Variants in KCNMA1 observed in about 807,000 individuals in gnomAD.
The protein encoded by KCNMA1 is potassium calcium-activated channel subfamily M alpha 1, also known as Calcium-activated potassium channel subunit alpha-1.
KCNMA1 carries 29 observed loss-of-function variants against 140.0 expected under a neutral mutation model. The ratio of observed to expected loss-of-function variants is 0.21; its 90% confidence interval spans 0.15 to 0.28. The LOEUF is 0.28. Among genes scored for constraint, KCNMA1 ranks in the 10% least tolerant of loss-of-function variants. KCNMA1 has a pLI of 1.00. For synonymous variants in KCNMA1, 612 were observed against 611.9 expected, an observed-to-expected ratio of 1.00 and a Z score of 0.00; for missense variants, 880 against 1,602.2, an observed-to-expected ratio of 0.55 and a Z score of 7.70.
chr10:77,591,221 T>C (rs984006446), intron 1 of KCNMA1, among the ~76,000 whole-genome samples: 14 of 152,118 alleles, frequency 9.2e-5, no homozygotes, highest in South Asian at 4.2e-4. Context: ...ACCAAGAGGA[T>C]TGGACAAGGC....
chr10:77,397,466 T>G (rs758676814), intron 2 of KCNMA1, among the ~76,000 whole-genome samples: 6 of 152,200 alleles, frequency 3.9e-5, no homozygotes, highest in Non-Finnish European at 5.9e-5. Context: ...CTCAAACATT[T>G]ATCTTTGTGT....
intron 1 of KCNMA1, among the ~76,000 whole-genome samples, chr10:77,597,715 C>T (rs985260776): frequency 1.3e-5 from 2 of 152,138 alleles, no homozygotes; most frequent in African/African-American, 4.8e-5. Context: ...GTCCCATTGA[C>T]AGGACACATT....
intron 25 of KCNMA1, among the ~76,000 whole-genome samples, chr10:76,897,046 AC>A (rs958351492): frequency 1.3e-5 from 2 of 151,302 alleles, no homozygotes; most frequent in African/African-American, 4.9e-5. Context: ...ACACACACAC[AC>A]AATTAGTGAT....
chr10:77,439,154 G>GAAGA (rs1566858999), intron 1 of KCNMA1, among the ~76,000 whole-genome samples: 8 of 126,158 alleles, frequency 6.3e-5, no homozygotes, highest in African/African-American at 2.3e-4. Context: ...AGAGAAAAGA[G>GAAGA]AAGAGAAGAA....
At chr10:77,332,869 G>A (rs2087017596) in intron 2 of KCNMA1, among the ~76,000 whole-genome samples, 3 of 152,216 alleles carry the variant, frequency 2.0e-5, no homozygotes, top group Admixed American at 1.3e-4. Context: ...TTATTTAGCA[G>A]TATCTATACT....
intron 1 of KCNMA1, among the ~76,000 whole-genome samples, chr10:77,627,576 T>C (rs1328347234): frequency 1.3e-5 from 2 of 152,080 alleles, no homozygotes; most frequent in African/African-American, 4.8e-5. Context: ...GTGGCCTTCA[T>C]GGAGGAAACA....
intron 23 of KCNMA1, among the ~76,000 whole-genome samples, chr10:76,928,481 C>T (rs2058399954): frequency 6.6e-6 from 1 of 152,074 alleles, no homozygotes; most frequent in Non-Finnish European, 1.5e-5. Flanking sequence ...GTATCTTATT[C>T]TTTAAATGGA....
intron 1 of KCNMA1, among the ~76,000 whole-genome samples, chr10:77,530,715 TG>T (rs2057390954): frequency 1.3e-5 from 2 of 152,158 alleles, no homozygotes; most frequent in Non-Finnish European, 2.9e-5. Context: ...AGACCTGTAG[TG>T]TAGGTCTCAG....
intron 2 of KCNMA1, among the ~76,000 whole-genome samples, chr10:77,336,262 A>G (rs2088924553): frequency 6.6e-6 from 1 of 152,160 alleles, no homozygotes; most frequent in Admixed American, 6.5e-5. Context: ...CAGAAAATTA[A>G]CCATTACCTA....
chr10:77,427,716 C>T (rs2395481), intron 1 of KCNMA1, among the ~76,000 whole-genome samples: 1,812 of 61,344 alleles, frequency 0.03, 18 homozygotes, highest in South Asian at 0.038. Flanking sequence ...AGCATCCATC[C>T]ATTCATTTAT....
At chr10:77,519,495 AT>A (rs5786291) in intron 1 of KCNMA1, among the ~76,000 whole-genome samples, 91,449 of 151,266 alleles carry the variant, frequency 0.6, 28,353 homozygotes, top group East Asian at 0.8. Flanking sequence ...AAGATAATTG[AT>A]TTTTTTTTTG....
intron 1 of KCNMA1, among the ~76,000 whole-genome samples, chr10:77,416,456 C>A (rs545873978): frequency 9.8e-5 from 15 of 152,352 alleles, no homozygotes; most frequent in African/African-American, 3.1e-4. Context: ...ACAAGTGTTA[C>A]CGTGGCCCCA....
chr10:77,595,472 G>A (rs920278843), intron 1 of KCNMA1, among the ~76,000 whole-genome samples: 7 of 151,796 alleles, frequency 4.6e-5, no homozygotes, highest in East Asian at 3.9e-4. Flanking sequence ...CATGGACTTC[G>A]GGGCCCCATA....
chr10:77,463,096 A>G (rs943543467), intron 1 of KCNMA1, among the ~76,000 whole-genome samples: 2 of 152,156 alleles, frequency 1.3e-5, no homozygotes, highest in Non-Finnish European at 2.9e-5. Flanking sequence ...TTCTGGCTGG[A>G]CTTTACAAGT....
chr10:77,396,266 T>C (rs1333083046), intron 2 of KCNMA1, among the ~76,000 whole-genome samples: 1 of 152,198 alleles, frequency 6.6e-6, no homozygotes, highest in African/African-American at 2.4e-5. Flanking sequence ...GTAAGAATTT[T>C]ACATAGATTT....
At chr10:77,222,979 C>G (rs1411371406) in intron 3 of KCNMA1, among the ~76,000 whole-genome samples, 2 of 152,128 alleles carry the variant, frequency 1.3e-5, no homozygotes, top group African/African-American at 4.8e-5. Flanking sequence ...CATGTAATCT[C>G]AGCACTTTGG....
chr10:77,628,235 TAC>T (rs1455673671), intron 1 of KCNMA1, among the ~76,000 whole-genome samples: 1 of 152,226 alleles, frequency 6.6e-6, no homozygotes, highest in East Asian at 1.9e-4. Flanking sequence ...AATAGTTTCG[TAC>T]AGTTAGAAGT....
intron 1 of KCNMA1, among the ~76,000 whole-genome samples, chr10:77,475,413 G>A (rs1038839689): frequency 2.0e-5 from 3 of 152,146 alleles, no homozygotes; most frequent in East Asian, 1.9e-4. Flanking sequence ...TTGTGGTTTC[G>A]TGCTGAAGGA....
chr10:77,030,931 T>C (rs559766452), intron 15 of KCNMA1, among the ~76,000 whole-genome samples: 12 of 152,282 alleles, frequency 7.9e-5, no homozygotes, highest in African/African-American at 2.4e-4. Context: ...AGGAGAGGGA[T>C]AGAATGATGT....
Sources: gnomAD v4.1 joint callset for allele counts (sites outside exome capture counted in the v4.1 genomes callset) on GRCh38, gnomAD v4.1.1 for gene constraint, MANE v1.5 for transcripts, NCBI Gene and HGNC (gene_info 2026-07-23, HGNC 2026-07-21) for gene names.